Variants in CNGB1 observed in about 807,000 individuals in gnomAD.
CNGB1 encodes cyclic nucleotide-gated channel beta-1.
A neutral mutation model predicts 151.7 loss-of-function variants in CNGB1; 126 were observed. The observed-to-expected ratio is 0.83, with a 90% confidence interval of 0.72 to 0.96. The LOEUF (loss-of-function observed/expected upper bound fraction) is 0.96. Among genes scored for constraint, CNGB1 ranks in the 40% least tolerant of loss-of-function variants. The pLI, the probability that CNGB1 is intolerant of heterozygous loss-of-function variation, is 0.00. For missense variants in CNGB1, 1,698 were observed against 1,627.0 expected (o/e 1.04, Z -0.75); for synonymous variants, 623 against 635.1 (o/e 0.98, Z 0.29).
chr16:57,906,644 C>G (rs1960559677), intron 25 of CNGB1, among the ~76,000 whole-genome samples: 2 of 152,246 alleles, frequency 1.3e-5, no homozygotes, highest in Non-Finnish European at 1.5e-5. Context: ...GCACGCGAAG[C>G]AGCGTTTAGC....
chr16:57,901,613 A>G lies in CNGB1; in HGVS notation c.2807T>C (p.Leu936Pro). The change falls in exon 28 of 33, where the codon CTG (leucine) becomes CCG (proline). Residue 936 changes from leucine (L) to proline (P), a missense_variant. Coordinates refer to ENST00000251102, the MANE Select transcript of CNGB1 (RefSeq NM_001297.5). ...HSQGMLDESELMVQLPDKMRL... is the reference protein window; with the variant it reads ...HSQGMLDESEPMVQLPDKMRL... ...CATCTTGTCTGGAAGCTGCACCATC[A>G]GCTCTGACTCATCTGTGAACAAGGC... 2 of 1,613,938 alleles carry G rather than the reference A, an allele frequency of 1.2e-6. No homozygotes were observed. Among genetic ancestry groups the G allele is most frequent in the Non-Finnish European group, 1.7e-6 (2 of 1,179,988 alleles).
chr16:57,917,500 G>T, intron 20 of CNGB1, 24 bp from the exon 21 acceptor site: 1 of 1,610,496 alleles, frequency 6.2e-7, no homozygotes, highest in Non-Finnish European at 8.5e-7. Context: ...TGACGGGGAC[G>T]CTAGAGCATC....
In CNGB1 at chr16:57,882,855, A is replaced by C. The variant is rs1468309933; in HGVS notation, c.*1309T>G. ...AACATGACACGATCTGGAAAGCTTTAGGGAATGTAAGTGCTGTCATCAGCT... is the reference window on the plus strand; with the variant it reads ...AACATGACACGATCTGGAAAGCTTTCGGGAATGTAAGTGCTGTCATCAGCT... On this transcript the variant is annotated 3_prime_UTR_variant, in exon 33 of 33. Coordinates refer to ENST00000251102, the MANE Select transcript of CNGB1 (RefSeq NM_001297.5). The C allele has an allele frequency of 7.2e-6, 1 of 139,006 alleles. No individual in the cohort carries two copies. The highest frequency in any genetic ancestry group is 2.8e-5 in the African/African-American group (1 of 36,152). 8.6% of individuals were successfully genotyped at this position (139,006 alleles called of 1,614,324 possible). A position where few individuals can be genotyped will look rare whatever the true frequency, so the allele number is the denominator to read the frequency against.
chr16:57,899,753 T>A (rs990362642), intron 29 of CNGB1, among the ~76,000 whole-genome samples: 1 of 152,236 alleles, frequency 6.6e-6, no homozygotes, highest in Non-Finnish European at 1.5e-5. Flanking sequence ...ATTTCACACA[T>A]GCATGACCCC....
rs116670755 is a variant in CNGB1 at position 57,896,110 on chromosome 16, A to G, written c.3242+1287T>C. ...TTTGTAACTATCATAGGGAGGAACC[A>G]TCAAAGGATGCTAAAAGCAGTGGGT... On this transcript the variant is annotated intron_variant, in intron 31 of 32. Transcript: ENST00000251102. 3.7e-3 allele frequency among the ~76,000 whole-genome samples: 559 copies of G among 152,338 alleles called. 3 individuals are homozygous for G. The highest frequency in any genetic ancestry group is 0.013 in the African/African-American group (523 of 41,584).
intron 14 of CNGB1, among the ~76,000 whole-genome samples, chr16:57,944,049 G>A (rs575818918): frequency 2.0e-4 from 30 of 151,852 alleles, no homozygotes; most frequent in Admixed American, 4.6e-4. Context: ...TACCACACCC[G>A]GCTAATTTTT....
chr16:57,903,725 A>G (rs1489954642), intron 27 of CNGB1, 97 bp downstream of exon 27: 1 of 1,395,120 alleles, frequency 7.2e-7, no homozygotes, highest in Non-Finnish European at 1.0e-6. Context: ...CCTCAGAGAC[A>G]CAGAGGACGA....
At chr16:57,962,081 GC>G (rs1395961194) in intron 7 of CNGB1, among the ~76,000 whole-genome samples, 1 of 152,160 alleles carries the variant, frequency 6.6e-6, no homozygotes, top group African/African-American at 2.4e-5. Flanking sequence ...ACCAAGCAGG[GC>G]CCCTTCTCGG....
chr16:57,941,459 C>G (rs1961665741), intron 14 of CNGB1, among the ~76,000 whole-genome samples: 2 of 152,210 alleles, frequency 1.3e-5, no homozygotes, highest in African/African-American at 4.8e-5. Context: ...AGCCGCTTGG[C>G]AGCAGAAATC....
chr16:57,916,303 T>C (rs543135210), intron 21 of CNGB1, 124 bp from the exon 22 acceptor site: 35 of 938,862 alleles, frequency 3.7e-5, no homozygotes, highest in Non-Finnish European at 5.9e-5. Context: ...AAGGACCATC[T>C]GAGCCTTGGT....
chr16:57,960,018 C>T lies in CNGB1; in HGVS notation c.631G>A (p.Glu211Lys), dbSNP rs776288133. 3 of 1,575,414 alleles carry T rather than the reference C, an allele frequency of 1.9e-6. No homozygotes were observed. Among genetic ancestry groups the T allele is most frequent in the African/African-American group, 1.3e-5 (1 of 74,448 alleles). ...ATGGGTGTGGGCAGGGAGGGGGTCT[C>T]CCGGGCCTGCAGCTTGGGCCCCATT... is the stretch of plus-strand genomic sequence containing the variant. ...QEMGPKLQAR[E>K]TPSLPTPIPL... Residue 211 changes from glutamate (E) to lysine (K), a missense_variant, in exon 10 of 33, where the codon GAG (glutamate) becomes AAG (lysine). Glu to Lys is a moderately conservative substitution (Grantham distance 56, BLOSUM62 1). Transcript: ENST00000251102.
chr16:57,951,912 A>G (rs1457819943), intron 12 of CNGB1, among the ~76,000 whole-genome samples: 3 of 152,204 alleles, frequency 2.0e-5, no homozygotes, highest in Non-Finnish European at 4.4e-5. Context: ...GGGAAGCCCC[A>G]AGAGCATCCT....
chr16:57,929,356 G>A (rs1417517081), intron 17 of CNGB1, among the ~76,000 whole-genome samples: 5 of 151,986 alleles, frequency 3.3e-5, no homozygotes, highest in Non-Finnish European at 4.4e-5. Context: ...TCACAGTTCC[G>A]CGTGGCTGGG....
intron 24 of CNGB1, 98 bp downstream of exon 24, chr16:57,912,832 T>C (rs528617579): frequency 3.4e-5 from 41 of 1,189,144 alleles, no homozygotes; most frequent in Middle Eastern, 1.9e-4. Flanking sequence ...GTGTGTGTGT[T>C]GTGTGTGTGT....
At chr16:57,964,017 G>A (rs1962325452) in intron 4 of CNGB1, 113 bp downstream of exon 4, 2 of 942,474 alleles carry the variant, frequency 2.1e-6, no homozygotes, top group Non-Finnish European at 3.2e-6. Flanking sequence ...TCCCCAGAAT[G>A]ACAGCAGAGC....
chr16:57,960,872 T>A lies in CNGB1; in HGVS notation c.502A>T (p.Arg168Ter). ...LLLWLEQNLE[R>*]VLPQPPKSSE... ...GATTTGGGGGGCTGAGGAAGCACTCTTTCCAGATTCTGCTCCAGCCACAGA... is the reference window on the plus strand; with the variant it reads ...GATTTGGGGGGCTGAGGAAGCACTCATTCCAGATTCTGCTCCAGCCACAGA... The change falls in exon 8 of 33, where the codon AGA becomes TGA. Residue 168 changes from arginine to a stop codon, truncating the protein, a stop_gained. Coordinates refer to ENST00000251102, the MANE Select transcript of CNGB1 (RefSeq NM_001297.5). LOFTEE classifies it high-confidence loss of function. 6.2e-7 allele frequency: 1 copy of A among 1,614,108 alleles called. No homozygotes were observed. The highest frequency in any genetic ancestry group is 8.5e-7 in the Non-Finnish European group (1 of 1,180,006).
intron 24 of CNGB1, 145 bp downstream of exon 24, chr16:57,912,785 A>G: frequency 1.3e-6 from 1 of 781,812 alleles, no homozygotes; most frequent in Non-Finnish European, 2.1e-6. Flanking sequence ...TTGTGTGTGC[A>G]TGTATGTGTG....
intron 31 of CNGB1, among the ~76,000 whole-genome samples, chr16:57,892,183 AC>A (rs1419094779): frequency 6.6e-6 from 1 of 152,016 alleles, no homozygotes; most frequent in African/African-American, 2.4e-5. Flanking sequence ...GGGAGCGTGC[AC>A]TTGGGGTGAC....
At chr16:57,896,391 AC>A (rs2149355010) in intron 31 of CNGB1, among the ~76,000 whole-genome samples, 1 of 152,160 alleles carries the variant, frequency 6.6e-6, no homozygotes, top group Non-Finnish European at 1.5e-5. Context: ...CATCAGACAA[AC>A]CCCAACTGAG....
Sources: allele counts gnomAD v4.1 joint callset (sites outside exome capture counted in the v4.1 genomes callset), GRCh38; gene constraint gnomAD v4.1.1; transcripts MANE v1.5; gene names NCBI Gene and HGNC (gene_info 2026-07-23, HGNC 2026-07-21).